PRKCA: variants seen among roughly 807,000 people sequenced by gnomAD.
The protein encoded by PRKCA is protein kinase C alpha.
PRKCA carries 27 observed loss-of-function variants against 87.0 expected under a neutral mutation model. That is an observed-to-expected ratio of 0.31 (90% CI 0.23 to 0.43). PRKCA has a LOEUF of 0.43. Ranked by LOEUF, PRKCA falls within the 20% of genes least tolerant of loss-of-function variation. The pLI is 1.00. For missense variants in PRKCA, 518 were observed against 852.3 expected (o/e 0.61, Z 4.88); for synonymous variants, 329 against 311.1 (o/e 1.06, Z -0.61).
intron 2 of PRKCA, among the ~76,000 whole-genome samples, chr17:66,402,617 T>A (rs1313662208): frequency 1.3e-5 from 2 of 152,126 alleles, no homozygotes; most frequent in East Asian, 1.9e-4. Flanking sequence ...CCCAGTGTTA[T>A]GAATGAGAAA....
At position 66,333,550 on chromosome 17, in the gene PRKCA, A is replaced by G. The variant is rs550497608; in HGVS notation, c.205+27423A>G. 2.0e-5 allele frequency among the ~76,000 whole-genome samples: 3 copies of G among 152,250 alleles called. No homozygotes were observed. In the South Asian group the frequency reaches 6.2e-4, roughly 32 times the overall value. ...CTTTATCAGTTGTTGGTAAAGGTTC[A>G]CTTCATTTTAACTAGTTTTCAAGTT... is the stretch of plus-strand genomic sequence containing the variant. On this transcript the variant is annotated intron_variant, in intron 2 of 16. Transcript: ENST00000413366.
At chr17:66,775,996 G>T (rs61762775) in intron 14 of PRKCA, among the ~76,000 whole-genome samples, 17 of 152,366 alleles carry the variant, frequency 1.1e-4, no homozygotes, top group Non-Finnish European at 1.9e-4. Context: ...CCTAAAGGAA[G>T]TATGGGGTTG....
At position 66,689,089 on chromosome 17, in the gene PRKCA, AG is replaced by A. The variant is rs1972708688; in HGVS notation, c.918+43del. Reference sequence around the variant, plus strand: ...GCCCGGAAACACCTTTCCTTTAGAAAGCCCAACTTCAGGAACGGCCGAGATG... The same window carrying A: ...GCCCGGAAACACCTTTCCTTTAGAAACCCAACTTCAGGAACGGCCGAGATG... On this transcript the variant is annotated intron_variant, in intron 8 of 16. Coordinates refer to ENST00000413366, the MANE Select transcript of PRKCA (RefSeq NM_002737.3). This position sits in a 1 kb window ranked among gnomAD's most constrained non-coding sequence, Gnocchi z 4.1. 5 of 1,347,756 alleles carry A rather than the reference AG, an allele frequency of 3.7e-6. No individual in the cohort carries two copies. Among genetic ancestry groups the A allele is most frequent in the Non-Finnish European group, 5.2e-6 (5 of 970,038 alleles). 83.5% of individuals were successfully genotyped at this position (1,347,756 alleles called of 1,614,324 possible).
chr17:66,621,306 AAT>A (rs1238981571), intron 3 of PRKCA, among the ~76,000 whole-genome samples: 1 of 152,206 alleles, frequency 6.6e-6, no homozygotes, highest in African/African-American at 2.4e-5. Flanking sequence ...TGTGTCTTTA[AAT>A]ATTTCCACTA....
chr17:66,576,179 G>A (rs995985490), intron 3 of PRKCA, among the ~76,000 whole-genome samples: 1 of 152,166 alleles, frequency 6.6e-6, no homozygotes, highest in Non-Finnish European at 1.5e-5. Context: ...ATTTCAGATG[G>A]AGGCTGTGCT....
At chr17:66,802,943 G>C (rs929772854) in intron 16 of PRKCA, among the ~76,000 whole-genome samples, 1 of 152,220 alleles carries the variant, frequency 6.6e-6, no homozygotes, top group African/African-American at 2.4e-5. Context: ...GAAACTCCCA[G>C]CTCTTCCTGC....
chr17:66,451,615 T>G (rs1914327840), intron 2 of PRKCA, among the ~76,000 whole-genome samples: 1 of 152,138 alleles, frequency 6.6e-6, no homozygotes, highest in South Asian at 2.1e-4. Flanking sequence ...GTAGTTGTAC[T>G]TTGATCATAT....
chr17:66,400,343 G>C (rs959689844), intron 2 of PRKCA, among the ~76,000 whole-genome samples: 2 of 152,152 alleles, frequency 1.3e-5, no homozygotes, highest in African/African-American at 4.8e-5. Flanking sequence ...GTAGAGATGC[G>C]GTTTTGCCAT....
intron 8 of PRKCA, among the ~76,000 whole-genome samples, chr17:66,719,311 A>G (rs1973555979): frequency 6.6e-6 from 1 of 152,234 alleles, no homozygotes; most frequent in African/African-American, 2.4e-5. Flanking sequence ...CACAATAAGC[A>G]AAGGGGAGAA....
intron 8 of PRKCA, among the ~76,000 whole-genome samples, chr17:66,722,526 T>C (rs1428457305): frequency 6.6e-6 from 1 of 152,250 alleles, no homozygotes; most frequent in Admixed American, 6.5e-5. Flanking sequence ...TTCAGATTCA[T>C]TTTGTATGAT....
At chr17:66,663,863 G>A (rs1971971702) in intron 5 of PRKCA, among the ~76,000 whole-genome samples, 2 of 129,470 alleles carry the variant, frequency 1.5e-5, no homozygotes, top group South Asian at 4.9e-4. Flanking sequence ...TGGTTTGTTT[G>A]ATTTTGGGGT....
Position 66,741,671 on chromosome 17 carries a change from A to G in PRKCA, c.1335A>G (p.Ala445=). The G allele has an allele frequency of 6.2e-7, 1 of 1,614,230 alleles. No individual in the cohort carries two copies. ...TTTTCTTTTGCAGATTCTATGCGGC[A>G]GAGATTTCCATCGGATTGTTCTTTC... ...FKEPQAVFYA[A]EISIGLFFLH... Residue 445 remains alanine, a synonymous_variant, in exon 12 of 17, where the codon GCA becomes GCG. Coordinates refer to ENST00000413366, the MANE Select transcript of PRKCA (RefSeq NM_002737.3).
chr17:66,585,069 G>C (rs907259590), intron 3 of PRKCA, among the ~76,000 whole-genome samples: 5 of 151,802 alleles, frequency 3.3e-5, no homozygotes, highest in Middle Eastern at 3.2e-3. Flanking sequence ...CATGGGGAGG[G>C]GGGGGTGGTG....
intron 3 of PRKCA, among the ~76,000 whole-genome samples, chr17:66,541,948 T>G (rs1257096594): frequency 6.6e-6 from 1 of 152,150 alleles, no homozygotes; most frequent in Non-Finnish European, 1.5e-5. Flanking sequence ...GCTGACCACA[T>G]TTGTTCTATG....
At chr17:66,304,776 A>G (rs1904713780) in intron 1 of PRKCA, among the ~76,000 whole-genome samples, 1 of 152,220 alleles carries the variant, frequency 6.6e-6, no homozygotes, top group Non-Finnish European at 1.5e-5. Context: ...TCTAGTCGGC[A>G]TATGAAGCGA....
At chr17:66,658,156 G>A (rs1263479141) in intron 5 of PRKCA, among the ~76,000 whole-genome samples, 1 of 152,118 alleles carries the variant, frequency 6.6e-6, no homozygotes, top group African/African-American at 2.4e-5. Flanking sequence ...AAGAATGAGA[G>A]CCCAGTAAAG....
chr17:66,458,699 T>C (rs553173607), intron 2 of PRKCA, among the ~76,000 whole-genome samples: 2 of 152,236 alleles, frequency 1.3e-5, no homozygotes, highest in South Asian at 4.2e-4. Context: ...CAGGTTGGTC[T>C]CAAACTCCTG....
chr17:66,552,116 G>T (rs1438426173), intron 3 of PRKCA, among the ~76,000 whole-genome samples: 4 of 152,062 alleles, frequency 2.6e-5, no homozygotes, highest in Non-Finnish European at 4.4e-5. Context: ...TGGGCAACAT[G>T]ACAAAATCCC....
chr17:66,774,068 G>A lies in PRKCA; in HGVS notation c.1605+1G>A. The A allele has an allele frequency of 6.2e-7, 1 of 1,614,084 alleles. No individual in the cohort carries two copies. Among genetic ancestry groups the A allele is most frequent in the Non-Finnish European group, 8.5e-7 (1 of 1,179,996 alleles). On this transcript the variant is annotated splice_donor_variant, in intron 14 of 16. Coordinates refer to ENST00000413366, the MANE Select transcript of PRKCA (RefSeq NM_002737.3). LOFTEE classifies it high-confidence loss of function. ...GTTGTATGAAATGCTTGCCGGGCAG[G>A]TAATGTTTTGCTACATTTTCATGTT...
Sources: gnomAD v4.1 joint callset for allele counts (sites outside exome capture counted in the v4.1 genomes callset) on GRCh38, gnomAD v4.1.1 for gene constraint, Gnocchi (gnomAD v3.1) non-coding constraint, MANE v1.5 for transcripts, NCBI Gene and HGNC (gene_info 2026-07-23, HGNC 2026-07-21) for gene names.